The following GABBR2 variants were observed in gnomAD, a reference collection of about 807,000 sequenced individuals.
GABBR2 encodes G-protein coupled receptor 51.
A neutral mutation model predicts 105.6 loss-of-function variants in GABBR2; 23 were observed. The observed-to-expected ratio is 0.22, with a 90% CI of 0.16 to 0.31. The LOEUF is 0.31. GABBR2 is among the 10% of genes least tolerant of loss of function. The pLI is 1.00. For missense variants in GABBR2, 734 were observed against 1,245.5 expected (o/e 0.59, Z 6.18); for synonymous variants, 478 against 499.7 (o/e 0.96, Z 0.58).
chr9:98,427,077 T>C (rs1387105112), intron 7 of GABBR2, among the ~76,000 whole-genome samples: 1 of 152,188 alleles, frequency 6.6e-6, no homozygotes, highest in African/African-American at 2.4e-5. Context: ...GCTGCTTTGA[T>C]GGTCCCAGTG....
chr9:98,555,133 A>C (rs1411522634), intron 2 of GABBR2, among the ~76,000 whole-genome samples: 3 of 152,252 alleles, frequency 2.0e-5, no homozygotes, highest in Admixed American at 6.5e-5. Flanking sequence ...TTCTAGACTT[A>C]AAAGTTACAA....
At chr9:98,489,582 T>C (rs1564090374) in intron 4 of GABBR2, among the ~76,000 whole-genome samples, 1 of 152,230 alleles carries the variant, frequency 6.6e-6, no homozygotes, top group South Asian at 2.1e-4. Flanking sequence ...TGAAATTCTC[T>C]AATTTTATTA....
At chr9:98,330,206 A>T (rs907490254) in intron 13 of GABBR2, among the ~76,000 whole-genome samples, 3 of 152,144 alleles carry the variant, frequency 2.0e-5, no homozygotes, top group Non-Finnish European at 4.4e-5. Flanking sequence ...TTTCCTGCTC[A>T]AGGGGTTTCA....
intron 1 of GABBR2, among the ~76,000 whole-genome samples, chr9:98,586,952 C>T (rs550764076): frequency 1.3e-5 from 2 of 152,184 alleles, no homozygotes; most frequent in Non-Finnish European, 2.9e-5. Context: ...TGAAGAGTTT[C>T]TCTAGGGTAT....
At chr9:98,315,222 AGGAG>A (rs1830695213) in intron 13 of GABBR2, among the ~76,000 whole-genome samples, 3 of 152,172 alleles carry the variant, frequency 2.0e-5, no homozygotes, top group African/African-American at 7.2e-5. Context: ...CAGTCCTGGC[AGGAG>A]GGTAGCAAAC....
chr9:98,330,645 C>G (rs549758004), intron 13 of GABBR2, among the ~76,000 whole-genome samples: 1 of 152,310 alleles, frequency 6.6e-6, no homozygotes, highest in African/African-American at 2.4e-5. Flanking sequence ...GACACTTGCT[C>G]TTCTCCAAGA....
At chr9:98,393,798 T>C (rs1832237890) in intron 9 of GABBR2, among the ~76,000 whole-genome samples, 1 of 152,230 alleles carries the variant, frequency 6.6e-6, no homozygotes, top group South Asian at 2.1e-4. Context: ...AGGAGTTCTC[T>C]AGCAGAGGAG....
chr9:98,306,309 C>T lies in GABBR2; in HGVS notation c.2041G>A (p.Val681Ile). The T allele has an allele frequency of 6.2e-7, 1 of 1,614,004 alleles. No homozygotes were observed. Among genetic ancestry groups the T allele is most frequent in the Non-Finnish European group, 8.5e-7 (1 of 1,179,882 alleles). The change falls in exon 15 of 19, where the codon GTC becomes ATC. Residue 681 changes from valine to isoleucine, a missense_variant. Physicochemically the swap from Val to Ile is conservative, Grantham distance 29. This residue lies in a region of GABBR2 where 91 missense variants were observed against 185.9 expected (regional missense o/e 0.49). Coordinates refer to ENST00000259455, the MANE Select transcript of GABBR2 (RefSeq NM_005458.8). The surrounding 1 kb of genome is among the most constrained non-coding windows in gnomAD (Gnocchi z 5.4). ...CTGTCGTTGAGTGCGGGGATGCTGA[C>T]GTTGCGGGTCTCCCAAGCTAAGAAA... ...GCFLAWETRNVSIPALNDSKY... is the reference protein window; with the variant it reads ...GCFLAWETRNISIPALNDSKY...
chr9:98,424,207 T>C (rs1832833806), intron 7 of GABBR2, among the ~76,000 whole-genome samples: 2 of 152,168 alleles, frequency 1.3e-5, no homozygotes, highest in African/African-American at 4.8e-5. Flanking sequence ...ATCCAGCATA[T>C]AAACAGAACC....
intron 1 of GABBR2, among the ~76,000 whole-genome samples, chr9:98,623,097 G>C (rs1829690726): frequency 1.3e-5 from 2 of 152,130 alleles, no homozygotes; most frequent in African/African-American, 4.8e-5. Context: ...TTTTTGTTGT[G>C]AACATAAAAC....
intron 2 of GABBR2, among the ~76,000 whole-genome samples, chr9:98,563,449 C>G (rs1209085581): frequency 6.6e-6 from 1 of 152,200 alleles, no homozygotes; most frequent in African/African-American, 2.4e-5. Context: ...CCTGGAAACG[C>G]TTCCCAAACA....
At chr9:98,369,827 T>C (rs901875570) in intron 12 of GABBR2, among the ~76,000 whole-genome samples, 6 of 151,936 alleles carry the variant, frequency 3.9e-5, no homozygotes, top group Admixed American at 3.9e-4. Flanking sequence ...GGGTGGGGAA[T>C]TGAATTGAGA....
intron 7 of GABBR2, among the ~76,000 whole-genome samples, chr9:98,447,064 T>TATGAGTAAATGATGATATCAAATA (rs1564072390): frequency 3.3e-5 from 2 of 60,636 alleles, no homozygotes; most frequent in South Asian, 5.8e-4. Flanking sequence ...AAAAGACTTC[T>TATGAGTAAATGATGATATCAAATA]TTTTTTTTTT....
intron 11 of GABBR2, among the ~76,000 whole-genome samples, chr9:98,384,109 G>A (rs1219988953): frequency 6.6e-6 from 1 of 152,174 alleles, no homozygotes; most frequent in Non-Finnish European, 1.5e-5. Context: ...CCGATCTTTT[G>A]ACCATCCCCT....
chr9:98,415,338 G>A (rs1355236626), intron 7 of GABBR2, among the ~76,000 whole-genome samples: 2 of 152,082 alleles, frequency 1.3e-5, no homozygotes, highest in East Asian at 1.9e-4. Flanking sequence ...AATATCATCA[G>A]CAATAAACTA....
chr9:98,419,181 G>C (rs1832739193), intron 7 of GABBR2, among the ~76,000 whole-genome samples: 1 of 152,180 alleles, frequency 6.6e-6, no homozygotes, highest in Non-Finnish European at 1.5e-5. Flanking sequence ...CAGGCAGGAA[G>C]AGAAAAAGAT....
intron 8 of GABBR2, among the ~76,000 whole-genome samples, chr9:98,400,943 T>C (rs1249573138): frequency 6.6e-6 from 1 of 152,128 alleles, no homozygotes; most frequent in African/African-American, 2.4e-5. Context: ...GGGACTTTCA[T>C]GGACCAACGA....
At chr9:98,595,923 A>G (rs1283228258) in intron 1 of GABBR2, among the ~76,000 whole-genome samples, 5 of 152,176 alleles carry the variant, frequency 3.3e-5, no homozygotes, top group African/African-American at 1.2e-4. Flanking sequence ...AAGAGGGTAT[A>G]TGGCTTCTGC....
intron 2 of GABBR2, among the ~76,000 whole-genome samples, chr9:98,551,037 C>T (rs778473312): frequency 6.6e-6 from 1 of 152,140 alleles, no homozygotes; most frequent in African/African-American, 2.4e-5. Context: ...CCCAACCACC[C>T]AATCGGCCAG....
Sources: allele counts gnomAD v4.1 joint callset (sites outside exome capture counted in the v4.1 genomes callset), GRCh38; gene constraint gnomAD v4.1.1; regional missense constraint gnomAD v4.1.1; non-coding constraint Gnocchi (gnomAD v3.1); transcripts MANE v1.5; gene names NCBI Gene and HGNC (gene_info 2026-07-23, HGNC 2026-07-21).